Variants in SHC3 observed in about 807,000 individuals in gnomAD.
SHC3 encodes SHC adaptor protein 3.
In SHC3, 15 loss-of-function variants were observed where a neutral mutation model predicts 60.4. That is an observed-to-expected ratio of 0.25 (90% CI 0.17 to 0.38). The LOEUF is 0.38. SHC3 is among the 10% of genes least tolerant of loss of function. The pLI is 1.00. For synonymous variants in SHC3, 294 were observed against 325.9 expected, an observed-to-expected ratio of 0.90 and a Z score of 1.05; for missense variants, 677 against 786.1, an observed-to-expected ratio of 0.86 and a Z score of 1.66.
intron 11 of SHC3, among the ~76,000 whole-genome samples, chr9:89,033,026 C>A (rs900163877): frequency 9.2e-6 from 1 of 109,092 alleles, no homozygotes; most frequent in South Asian, 2.7e-4. Context: ...AGCCCCCCCA[C>A]CGAAGAACAG....
intron 2 of SHC3, chr9:89,109,029 C>G (rs555908276): frequency 1.0e-6 from 1 of 984,436 alleles, no homozygotes; most frequent in African/African-American, 1.7e-5. Flanking sequence ...TCTGAGGTTC[C>G]AAGGAGGCCT....
intron 1 of SHC3, among the ~76,000 whole-genome samples, chr9:89,168,836 G>A (rs1210533691): frequency 6.6e-6 from 1 of 152,134 alleles, no homozygotes; most frequent in Admixed American, 6.5e-5. Flanking sequence ...ATCAGTTGAG[G>A]GCCTGAATAA....
intron 2 of SHC3, among the ~76,000 whole-genome samples, chr9:89,089,873 C>T (rs1442142367): frequency 6.6e-6 from 1 of 152,208 alleles, no homozygotes; most frequent in Non-Finnish European, 1.5e-5. Context: ...GAGTAGGAAG[C>T]CCCCAAGGGC....
chr9:89,098,502 T>A (rs544499881), intron 2 of SHC3, among the ~76,000 whole-genome samples: 1 of 152,346 alleles, frequency 6.6e-6, no homozygotes, highest in Non-Finnish European at 1.5e-5. Context: ...TCCAACTTAT[T>A]CTCAAATAGT....
At chr9:89,153,310 T>C (rs901172160) in intron 1 of SHC3, among the ~76,000 whole-genome samples, 3 of 152,158 alleles carry the variant, frequency 2.0e-5, no homozygotes, top group Non-Finnish European at 4.4e-5. Flanking sequence ...AACTTGGTAT[T>C]ATGAGAATGT....
At chr9:89,051,462 A>C (rs1007042491) in intron 7 of SHC3, among the ~76,000 whole-genome samples, 1 of 152,214 alleles carries the variant, frequency 6.6e-6, no homozygotes, top group African/African-American at 2.4e-5. Context: ...TGAAAAAAAA[A>C]CCTAAGGTGC....
intron 1 of SHC3, among the ~76,000 whole-genome samples, chr9:89,162,479 A>G (rs1271691960): frequency 6.6e-6 from 1 of 152,204 alleles, no homozygotes; most frequent in African/African-American, 2.4e-5. Flanking sequence ...CCTGAGAAAA[A>G]CAAGCAATGG....
chr9:89,073,552 C>G (rs1482787256), intron 4 of SHC3, among the ~76,000 whole-genome samples: 1 of 152,124 alleles, frequency 6.6e-6, no homozygotes, highest in Non-Finnish European at 1.5e-5. Context: ...GCTTGCCCCC[C>G]ACCCAACCTT....
intron 1 of SHC3, 21 bp from the exon 2 acceptor site, chr9:89,112,647 A>G (rs373584347): frequency 6.3e-7 from 1 of 1,575,212 alleles, no homozygotes; most frequent in African/African-American, 1.4e-5. Context: ...AAAAAATGTA[A>G]ATCGTGAGCC....
At chr9:89,174,030 GAT>G (rs1162829906) in intron 1 of SHC3, among the ~76,000 whole-genome samples, 1 of 152,030 alleles carries the variant, frequency 6.6e-6, no homozygotes, top group Non-Finnish European at 1.5e-5. Flanking sequence ...TAGTAGAATT[GAT>G]ATAGTTATTT....
chr9:89,013,413 C>T lies in SHC3; in HGVS notation c.*34G>A, dbSNP rs1328104180. On this transcript the variant is annotated 3_prime_UTR_variant, in exon 12 of 12. Coordinates refer to ENST00000375835, the MANE Select transcript of SHC3 (RefSeq NM_016848.6). The stretch of plus-strand genomic sequence containing the variant: ...CTAGTCCACTCCAGGTCCTCCTGAC[C>T]TGGTGCGCAGTGCTGGGAGCAGTGC... 1.3e-6 allele frequency: 2 copies of T among 1,512,398 alleles called. No individual in the cohort carries two copies. The highest frequency in any genetic ancestry group is 2.7e-5 in the South Asian group (2 of 75,110). 93.7% of individuals were successfully genotyped at this position (1,512,398 alleles called of 1,614,324 possible).
Position 89,168,424 on chromosome 9 carries a change from A to T in SHC3, c.474+9563T>A, listed in dbSNP as rs535790900. On this transcript the variant is annotated intron_variant, in intron 1 of 11. Coordinates refer to ENST00000375835, the MANE Select transcript of SHC3 (RefSeq NM_016848.6). Reference sequence around the variant, plus strand: ...GGTTGCTGTGAGCCGAGATTGCACCATTGTACTCCAGCCTGGGCAACAAGA... The same window carrying T: ...GGTTGCTGTGAGCCGAGATTGCACCTTTGTACTCCAGCCTGGGCAACAAGA... 6.8e-4 allele frequency among the ~76,000 whole-genome samples: 103 copies of T among 152,184 alleles called. 1 individual carries two copies. Among genetic ancestry groups the T allele is most frequent in the African/African-American group, 2.5e-3 (102 of 41,524 alleles).
At chr9:89,135,111 T>C (rs1826300140) in intron 1 of SHC3, among the ~76,000 whole-genome samples, 1 of 151,996 alleles carries the variant, frequency 6.6e-6, no homozygotes, top group South Asian at 2.1e-4. Context: ...ACAATCATGT[T>C]TTCTTTTGTA....
intron 2 of SHC3, among the ~76,000 whole-genome samples, chr9:89,108,350 C>CAAA (rs147186310): frequency 5.5e-5 from 8 of 144,162 alleles, no homozygotes; most frequent in Non-Finnish European, 9.2e-5. Flanking sequence ...CCACCTCTAC[C>CAAA]AAAAAAAAAA....
chr9:89,119,869 A>T (rs1826066269), intron 1 of SHC3, among the ~76,000 whole-genome samples: 1 of 152,272 alleles, frequency 6.6e-6, no homozygotes, highest in African/African-American at 2.4e-5. Context: ...ATGTGGGAAC[A>T]GGCGAGTCAT....
chr9:89,028,642 T>G (rs962195248), intron 11 of SHC3, among the ~76,000 whole-genome samples: 9 of 146,596 alleles, frequency 6.1e-5, no homozygotes, highest in African/African-American at 9.9e-5. Context: ...TATATAGATA[T>G]CTATATAGAA....
chr9:89,137,697 G>A (rs1268665023), intron 1 of SHC3, among the ~76,000 whole-genome samples: 2 of 152,156 alleles, frequency 1.3e-5, no homozygotes, highest in Non-Finnish European at 2.9e-5. Flanking sequence ...ACAGAAATGA[G>A]AATGTCAGTG....
intron 1 of SHC3, among the ~76,000 whole-genome samples, chr9:89,144,570 C>A (rs1826440825): frequency 1.3e-5 from 2 of 152,176 alleles, no homozygotes; most frequent in South Asian, 4.1e-4. Flanking sequence ...TTAGACCTAA[C>A]TCTTGACCTC....
intron 1 of SHC3, among the ~76,000 whole-genome samples, chr9:89,112,972 T>C (rs1825972073): frequency 3.3e-5 from 5 of 152,200 alleles, no homozygotes; most frequent in African/African-American, 1.2e-4. Flanking sequence ...TAAACATATA[T>C]TTGCCATGAA....
Sources: gnomAD v4.1 joint callset for allele counts (sites outside exome capture counted in the v4.1 genomes callset) on GRCh38, gnomAD v4.1.1 for gene constraint, MANE v1.5 for transcripts, NCBI Gene and HGNC (gene_info 2026-07-23, HGNC 2026-07-21) for gene names.